Variants in PTPRD observed in about 807,000 individuals in gnomAD.
The protein encoded by PTPRD is receptor-type tyrosine-protein phosphatase delta.
PTPRD carries 34 observed loss-of-function variants against 214.5 expected under a neutral mutation model. The observed-to-expected ratio is 0.16, with a 90% CI of 0.12 to 0.21. The LOEUF is 0.21. PTPRD is among the 10% of genes least tolerant of loss of function. PTPRD has a pLI of 1.00. For missense variants in PTPRD, 2,545 were observed against 2,398.7 expected (o/e 1.06, Z -1.27); for synonymous variants, 1,128 against 845.7 (o/e 1.33, Z -5.79).
chr9:10,168,727 G>C (rs1318452576), intron 3 of PTPRD, among the ~76,000 whole-genome samples: 1 of 152,232 alleles, frequency 6.6e-6, no homozygotes, highest in East Asian at 1.9e-4. Context: ...AACTACATAA[G>C]TTTAAATTTA....
chr9:10,566,707 T>C (rs1441237101), intron 2 of PTPRD, among the ~76,000 whole-genome samples: 1 of 152,038 alleles, frequency 6.6e-6, no homozygotes, highest in Non-Finnish European at 1.5e-5. Flanking sequence ...AGTCAGCTTC[T>C]TCTCCTTCAT....
chr9:9,718,769 C>A (rs900976165), intron 7 of PTPRD, among the ~76,000 whole-genome samples: 2 of 152,202 alleles, frequency 1.3e-5, no homozygotes, highest in Non-Finnish European at 2.9e-5. Flanking sequence ...TCTTGGCCCC[C>A]TCTGGAAACT....
chr9:10,281,636 TGAGCTAGTAATA>T (rs538159989), intron 3 of PTPRD, among the ~76,000 whole-genome samples: 55 of 152,328 alleles, frequency 3.6e-4, no homozygotes, highest in African/African-American at 1.3e-3. Flanking sequence ...AAATTTAGAC[TGAGCTAGTAATA>T]GACCATACAT....
intron 5 of PTPRD, among the ~76,000 whole-genome samples, chr9:9,822,582 TC>T (rs1414799082): frequency 6.7e-6 from 1 of 150,262 alleles, no homozygotes; most frequent in Non-Finnish European, 1.5e-5. Flanking sequence ...TTTATTTTTT[TC>T]CTTTCTTCTT....
Position 8,341,161 on chromosome 9 carries a change from C to G in PTPRD, c.5055G>C (p.Arg1685Ser), listed in dbSNP as rs771113713. The change falls in exon 41 of 46, where the codon AGG (arginine) becomes AGC (serine). Residue 1685 changes from arginine to serine, a missense_variant. Coordinates refer to ENST00000381196, the MANE Select transcript of PTPRD (RefSeq NM_002839.4). ...LVNIMPYESTRVCLQPIRGVE... is the reference protein window; with the variant it reads ...LVNIMPYESTSVCLQPIRGVE... ...CTCCACGGATAGGCTGCAGGCATACCCTTGTGGATTCATATGGCATAATAT... is the reference window on the plus strand; with the variant it reads ...CTCCACGGATAGGCTGCAGGCATACGCTTGTGGATTCATATGGCATAATAT... 1.2e-6 allele frequency: 2 copies of G among 1,612,720 alleles called. No homozygotes were observed. Among genetic ancestry groups the G allele is most frequent in the Admixed American group, 1.7e-5 (1 of 59,894 alleles).
intron 2 of PTPRD, among the ~76,000 whole-genome samples, chr9:10,357,125 A>C (rs1359339232): frequency 6.6e-6 from 1 of 152,222 alleles, no homozygotes; most frequent in Admixed American, 6.5e-5. Context: ...AAAAAATAAG[A>C]AAAGAAGAAC....
intron 9 of PTPRD, among the ~76,000 whole-genome samples, chr9:9,383,327 T>A (rs542453585): frequency 1.3e-5 from 2 of 152,246 alleles, no homozygotes; most frequent in African/African-American, 4.8e-5. Context: ...ATATTTAAAA[T>A]TTTATTTCTG....
At chr9:9,113,897 G>A (rs190457268) in intron 10 of PTPRD, among the ~76,000 whole-genome samples, 1 of 152,110 alleles carries the variant, frequency 6.6e-6, no homozygotes. Context: ...GTATCAACTG[G>A]CTTAGTATTC....
chr9:10,090,419 C>A (rs115701448), intron 3 of PTPRD, among the ~76,000 whole-genome samples: 2 of 151,250 alleles, frequency 1.3e-5, no homozygotes, highest in Admixed American at 1.3e-4. Flanking sequence ...TATATTGATT[C>A]ATGGCAATTC....
At chr9:8,445,245 C>G (rs1381287637) in intron 34 of PTPRD, among the ~76,000 whole-genome samples, 2 of 152,114 alleles carry the variant, frequency 1.3e-5, no homozygotes, top group Non-Finnish European at 2.9e-5. Flanking sequence ...TCTGGCTGAC[C>G]TTGTACACTA....
At chr9:9,280,811 A>G (rs929432627) in intron 9 of PTPRD, among the ~76,000 whole-genome samples, 4 of 151,264 alleles carry the variant, frequency 2.6e-5, no homozygotes, top group Non-Finnish European at 4.4e-5. Context: ...CAAAAGACCC[A>G]GAATAGTCAA....
chr9:9,321,172 T>C (rs2135991512), intron 9 of PTPRD, among the ~76,000 whole-genome samples: 1 of 152,324 alleles, frequency 6.6e-6, no homozygotes, highest in South Asian at 2.1e-4. Flanking sequence ...TGTATTTTGA[T>C]TTTTCTCATG....
At chr9:9,340,057 A>T (rs1333564483) in intron 9 of PTPRD, among the ~76,000 whole-genome samples, 1 of 152,164 alleles carries the variant, frequency 6.6e-6, no homozygotes, top group Non-Finnish European at 1.5e-5. Context: ...AAGTCTCAGT[A>T]AGAGAGATAG....
chr9:9,195,310 G>A (rs946590083), intron 9 of PTPRD, among the ~76,000 whole-genome samples: 2 of 151,854 alleles, frequency 1.3e-5, no homozygotes, highest in African/African-American at 4.8e-5. Flanking sequence ...CATATGTTTG[G>A]AAAATAAATC....
chr9:9,961,241 C>T lies in PTPRD; in HGVS notation c.-471-22631G>A, dbSNP rs372354966. On this transcript the variant is annotated intron_variant, in intron 4 of 45. Coordinates refer to ENST00000381196, the MANE Select transcript of PTPRD (RefSeq NM_002839.4). ...CAAGAATAAGGATTACTATATGTAT[C>T]TTGCACTCCCTATCAAAACCTGGAA... 2.0e-5 allele frequency among the ~76,000 whole-genome samples: 3 copies of T among 152,122 alleles called. No individual in the cohort carries two copies. In the South Asian group the frequency reaches 6.2e-4, roughly 32 times the overall value.
chr9:9,161,593 A>C (rs540343657), intron 10 of PTPRD, among the ~76,000 whole-genome samples: 32 of 152,228 alleles, frequency 2.1e-4, no homozygotes, highest in African/African-American at 7.5e-4. Context: ...ACAAAATAAA[A>C]TACAATCCTG....
intron 10 of PTPRD, among the ~76,000 whole-genome samples, chr9:9,107,342 A>T (rs2099800058): frequency 1.3e-5 from 2 of 152,182 alleles, no homozygotes; most frequent in South Asian, 4.1e-4. Flanking sequence ...TAAAACACTA[A>T]GAATGTACCG....
At chr9:8,504,467 T>G (rs1592213466) in intron 22 of PTPRD, 62 bp from the exon 23 acceptor site, 4 of 1,568,586 alleles carry the variant, frequency 2.6e-6, no homozygotes, top group African/African-American at 1.3e-5. Flanking sequence ...TTTTTAATCA[T>G]ACTGTCTGGA....
chr9:10,377,029 C>A (rs1468544078), intron 2 of PTPRD, among the ~76,000 whole-genome samples: 1 of 151,906 alleles, frequency 6.6e-6, no homozygotes, highest in Non-Finnish European at 1.5e-5. Context: ...TACCCATTAA[C>A]CATCCCCCCC....
Sources: gnomAD v4.1 joint callset for allele counts (sites outside exome capture counted in the v4.1 genomes callset) on GRCh38, gnomAD v4.1.1 for gene constraint, MANE v1.5 for transcripts, NCBI Gene and HGNC (gene_info 2026-07-23, HGNC 2026-07-21) for gene names.